The following DNMBP variants were observed in gnomAD, a reference collection of about 807,000 sequenced individuals.
DNMBP encodes the protein dynamin binding protein.
DNMBP carries 87 observed loss-of-function variants against 150.0 expected under a neutral mutation model. The ratio of observed to expected loss-of-function variants is 0.58; its 90% CI spans 0.49 to 0.69. The LOEUF (loss-of-function observed/expected upper bound fraction) is 0.69, where lower values mean the gene tolerates loss of function less well. Among genes scored for constraint, DNMBP ranks in the 30% least tolerant of loss-of-function variants. DNMBP has a pLI of 0.00. For missense variants in DNMBP, 1,774 were observed against 1,949.0 expected (o/e 0.91, Z 1.69); for synonymous variants, 711 against 750.4 (o/e 0.95, Z 0.86).
intron 4 of DNMBP, chr10:99,929,651 G>C (rs1310057787): frequency 1.4e-6 from 1 of 700,116 alleles, no homozygotes; most frequent in Non-Finnish European, 2.6e-6. Context: ...AGCGCCTCAG[G>C]GTGCTGGGTG....
intron 4 of DNMBP, among the ~76,000 whole-genome samples, chr10:99,939,681 T>C (rs1351598524): frequency 1.3e-5 from 2 of 152,378 alleles, no homozygotes; most frequent in Non-Finnish European, 2.9e-5. Context: ...GAGAGGAGCC[T>C]AATTCTGCTA....
At chr10:99,902,298 CCCTT>C (rs1182254225) in intron 6 of DNMBP, among the ~76,000 whole-genome samples, 3 of 143,800 alleles carry the variant, frequency 2.1e-5, no homozygotes, top group Non-Finnish European at 3.0e-5. Context: ...CTGGAAGCCT[CCCTT>C]CTTTTTTTTT....
At chr10:99,960,870 C>T (rs1342031973) in intron 3 of DNMBP, among the ~76,000 whole-genome samples, 6 of 131,812 alleles carry the variant, frequency 4.6e-5, no homozygotes, top group Non-Finnish European at 1.0e-4. Context: ...CTCAGCTACT[C>T]GTGAGGCTGA....
Position 99,956,019 on chromosome 10 carries a change from T to C in DNMBP, c.1455A>G (p.Ser485=), listed in dbSNP as rs1267168231. 2 of 1,614,158 alleles carry C rather than the reference T, an allele frequency of 1.2e-6. No homozygotes were observed. The highest frequency in any genetic ancestry group is 1.7e-5 in the Admixed American group (1 of 60,022). The change falls in exon 4 of 17, where the codon TCA becomes TCG. Residue 485 remains serine, a synonymous_variant. Coordinates refer to ENST00000324109, the MANE Select transcript of DNMBP (RefSeq NM_015221.4). ...VLPLYRGSSV[S]ASRVVKPRQS... ...GTCTGGGTTTGACTACCCTTGAAGC[T>C]GAAACAGAAGAGCCCCTGTAAAGAG...
intron 4 of DNMBP, among the ~76,000 whole-genome samples, chr10:99,933,398 T>G (rs7089031): frequency 0.4 from 60,291 of 152,182 alleles, 12,342 homozygotes; most frequent in African/African-American, 0.49. Context: ...TTTTTGAAGA[T>G]TCACCTTTAC....
At chr10:99,935,900 A>G (rs1275096020) in intron 4 of DNMBP, among the ~76,000 whole-genome samples, 1 of 152,190 alleles carries the variant, frequency 6.6e-6, no homozygotes, top group Non-Finnish European at 1.5e-5. Context: ...ATAAAAATCA[A>G]GAGCATAAAA....
chr10:99,886,202 A>G (rs2039459501), intron 13 of DNMBP, 98 bp downstream of exon 13: 1 of 992,654 alleles, frequency 1.0e-6, no homozygotes, highest in South Asian at 1.6e-5. Context: ...CAGTTTATCT[A>G]ATTCAGATAA....
Position 99,885,849 on chromosome 10 carries a change from G to A in DNMBP, c.3636C>T (p.Gly1212=). 2 of 1,612,110 alleles carry A rather than the reference G, an allele frequency of 1.2e-6. No individual in the cohort carries two copies. Among genetic ancestry groups the A allele is most frequent in the Non-Finnish European group, 1.7e-6 (2 of 1,179,086 alleles). ...AGATGGCAATAAGGTTTCCCTCTCT[G>A]CCAGCCACTTTGAGTAACTGGGGTC... is the stretch of plus-strand genomic sequence containing the variant. The part of the protein sequence containing the change: ...KPLLSLLKVA[G]REGNLIAIFH... The change falls in exon 14 of 17, where the codon GGC becomes GGT. Residue 1212 remains glycine (G), a synonymous_variant. Coordinates refer to ENST00000324109, the MANE Select transcript of DNMBP (RefSeq NM_015221.4).
At chr10:99,897,506 A>G (rs1473187938) in intron 9 of DNMBP, among the ~76,000 whole-genome samples, 1 of 152,240 alleles carries the variant, frequency 6.6e-6, no homozygotes, top group Non-Finnish European at 1.5e-5. Flanking sequence ...GTGCTCGAAT[A>G]AAACTTCCCA....
chr10:99,966,839 G>A (rs1156420450), intron 3 of DNMBP, among the ~76,000 whole-genome samples: 1 of 151,832 alleles, frequency 6.6e-6, no homozygotes, highest in African/African-American at 2.4e-5. Flanking sequence ...GGAGTGTAGT[G>A]GCGTAAACAC....
intron 1 of DNMBP, among the ~76,000 whole-genome samples, chr10:99,979,973 C>A (rs920311526): frequency 1.3e-5 from 2 of 152,210 alleles, no homozygotes; most frequent in African/African-American, 4.8e-5. Context: ...ACCTGGAGTA[C>A]TTCCCCCAAA....
In DNMBP at chr10:99,955,879, A is replaced by C. The variant is rs373555670; in HGVS notation, c.1595T>G (p.Leu532Arg). ...TGAATGTGTTGCTGCTTCCATAACAAGCCCTTGGGCTTGCGGACCAGGCTT... is the reference window on the plus strand; with the variant it reads ...TGAATGTGTTGCTGCTTCCATAACACGCCCTTGGGCTTGCGGACCAGGCTT... ...EMKPGPQAQGLVMEAATHSQG... is the reference protein window; with the variant it reads ...EMKPGPQAQGRVMEAATHSQG... Residue 532 changes from leucine to arginine, a missense_variant, in exon 4 of 17, where the codon CTT (leucine) becomes CGT (arginine). Leu to Arg is a moderately radical substitution (Grantham distance 102). This residue lies in a region of DNMBP where 1,430 missense variants were observed against 1,492.5 expected (regional missense o/e 0.96). Coordinates refer to ENST00000324109, the MANE Select transcript of DNMBP (RefSeq NM_015221.4). The C allele has an allele frequency of 1.3e-5, 21 of 1,614,064 alleles. No homozygotes were observed. In the Admixed American group the frequency reaches 2.0e-4, roughly 15 times the overall value.
intron 1 of DNMBP, among the ~76,000 whole-genome samples, chr10:99,995,666 T>C (rs981969073): frequency 6.6e-6 from 1 of 152,234 alleles, no homozygotes; most frequent in African/African-American, 2.4e-5. Flanking sequence ...GTTGCAGATA[T>C]GTGACTTGGA....
At position 99,880,279 on chromosome 10, in the gene DNMBP, G is replaced by A; in HGVS notation, c.4080C>T (p.His1360=). 1 of 1,614,006 alleles carries A rather than the reference G, an allele frequency of 6.2e-7. No homozygotes were observed. Among genetic ancestry groups the A allele is most frequent in the Non-Finnish European group, 8.5e-7 (1 of 1,180,004 alleles). ...RSHSDASVGS[H]SSTESEHGSS... ...TGCCGTGCTCAGACTCTGTGGAGGA[G>A]TGGCTACCCACGGAGGCATCGGAGT... The change falls in exon 16 of 17, where the codon CAC becomes CAT. Residue 1360 remains histidine, a synonymous_variant. Coordinates refer to ENST00000324109, the MANE Select transcript of DNMBP (RefSeq NM_015221.4).
At chr10:99,948,026 G>A (rs899287623) in intron 4 of DNMBP, among the ~76,000 whole-genome samples, 2 of 152,194 alleles carry the variant, frequency 1.3e-5, no homozygotes, top group African/African-American at 4.8e-5. Context: ...GGGAAGCTAT[G>A]TATGTGTGGG....
At chr10:99,914,024 A>T (rs934743488) in intron 4 of DNMBP, 1 of 1,509,490 alleles carries the variant, frequency 6.6e-7, no homozygotes, top group Admixed American at 2.2e-5. Context: ...GAATCTTCCC[A>T]GAGCTCTGGA....
intron 1 of DNMBP, among the ~76,000 whole-genome samples, chr10:100,004,249 G>GA (rs1205972148): frequency 2.0e-5 from 3 of 149,706 alleles, no homozygotes; most frequent in African/African-American, 7.4e-5. Flanking sequence ...GGTCTCAAAA[G>GA]AAAAAATATA....
intron 9 of DNMBP, among the ~76,000 whole-genome samples, chr10:99,896,651 C>G (rs376516820): frequency 1.5e-4 from 23 of 152,170 alleles, no homozygotes; most frequent in African/African-American, 5.6e-4. Flanking sequence ...TTAAGGAAAT[C>G]TGAAGTCAAT....
chr10:99,989,472 A>G (rs2040863951), intron 1 of DNMBP, among the ~76,000 whole-genome samples: 1 of 152,198 alleles, frequency 6.6e-6, no homozygotes, highest in Non-Finnish European at 1.5e-5. Flanking sequence ...GCACTTTGGG[A>G]GGCTGAGGCA....
Sources: allele counts gnomAD v4.1 joint callset (sites outside exome capture counted in the v4.1 genomes callset), GRCh38; gene constraint gnomAD v4.1.1; regional missense constraint gnomAD v4.1.1; transcripts MANE v1.5; gene names NCBI Gene and HGNC (gene_info 2026-07-23, HGNC 2026-07-21).